The following RALGPS1 variants were observed in gnomAD, a reference collection of about 807,000 sequenced individuals.
RALGPS1 encodes ras-specific guanine nucleotide-releasing factor RalGPS1.
In RALGPS1, 19 loss-of-function variants were observed where a neutral mutation model predicts 78.8. The ratio of observed to expected loss-of-function variants is 0.24; its 90% CI spans 0.17 to 0.35. The LOEUF (loss-of-function observed/expected upper bound fraction) is 0.35, where lower values mean the gene tolerates loss of function less well. RALGPS1 is among the 10% of genes least tolerant of loss of function. The pLI, the probability that RALGPS1 is intolerant of heterozygous loss-of-function variation, is 1.00. For missense variants in RALGPS1, 454 were observed against 688.3 expected, an observed-to-expected ratio of 0.66 and a Z score of 3.81; for synonymous variants, 228 against 256.3, an observed-to-expected ratio of 0.89 and a Z score of 1.06.
intron 4 of RALGPS1, chr9:126,989,870 T>C: frequency 6.5e-7 from 1 of 1,549,698 alleles, no homozygotes; most frequent in Non-Finnish European, 8.7e-7. Context: ...CCAGCATCTG[T>C]TGGGTCCTTT....
At chr9:126,931,407 G>A (rs982366877) in intron 1 of RALGPS1, among the ~76,000 whole-genome samples, 2 of 152,144 alleles carry the variant, frequency 1.3e-5, no homozygotes, top group African/African-American at 4.8e-5. Context: ...ACCAAATGTG[G>A]CATATACATA....
intron 7 of RALGPS1, among the ~76,000 whole-genome samples, chr9:127,053,376 A>G (rs1383391045): frequency 6.6e-6 from 1 of 152,114 alleles, no homozygotes; most frequent in Non-Finnish European, 1.5e-5. Flanking sequence ...GTAGGAAAAA[A>G]CGGATTTTTT....
chr9:127,011,046 G>A (rs1394695240), intron 4 of RALGPS1, among the ~76,000 whole-genome samples: 1 of 152,226 alleles, frequency 6.6e-6, no homozygotes, highest in East Asian at 1.9e-4. Flanking sequence ...AGCTACTTCA[G>A]TCACTTCCTC....
intron 8 of RALGPS1, among the ~76,000 whole-genome samples, chr9:127,144,478 T>G (rs2057981015): frequency 6.6e-6 from 1 of 152,222 alleles, no homozygotes; most frequent in Non-Finnish European, 1.5e-5. Flanking sequence ...AATCATGTAG[T>G]GTGACCCAGC....
At chr9:127,215,207 T>C (rs1461815086) in intron 18 of RALGPS1, among the ~76,000 whole-genome samples, 1 of 152,212 alleles carries the variant, frequency 6.6e-6, no homozygotes, top group Non-Finnish European at 1.5e-5. Flanking sequence ...CCAGACTCAC[T>C]AAAGGGCCTC....
At chr9:127,112,855 C>G (rs901698830) in intron 8 of RALGPS1, among the ~76,000 whole-genome samples, 2 of 152,238 alleles carry the variant, frequency 1.3e-5, no homozygotes, top group African/African-American at 4.8e-5. Context: ...TTGCACAGGG[C>G]TTTAGGGCTT....
chr9:127,126,529 T>C (rs187245651), intron 8 of RALGPS1, among the ~76,000 whole-genome samples: 32 of 152,398 alleles, frequency 2.1e-4, no homozygotes, highest in African/African-American at 6.0e-4. Context: ...CACAGGTCAC[T>C]GAAGCTTTAT....
chr9:127,090,796 G>T (rs2052375365), intron 8 of RALGPS1, among the ~76,000 whole-genome samples: 1 of 152,210 alleles, frequency 6.6e-6, no homozygotes, highest in African/African-American at 2.4e-5. Context: ...CAGCCTCAGG[G>T]AGGAGCATGG....
chr9:126,946,007 T>C (rs148003348), intron 1 of RALGPS1, among the ~76,000 whole-genome samples: 94 of 152,318 alleles, frequency 6.2e-4, no homozygotes, highest in African/African-American at 2.1e-3. Context: ...ATCACTCTAT[T>C]AAGAATAAAC....
intron 2 of RALGPS1, among the ~76,000 whole-genome samples, chr9:126,964,734 G>C (rs2039290896): frequency 6.6e-6 from 1 of 152,158 alleles, no homozygotes; most frequent in Non-Finnish European, 1.5e-5. Flanking sequence ...AAATCTGCAG[G>C]TTTAAGTTCC....
chr9:126,963,138 C>T (rs1382828912), intron 2 of RALGPS1, among the ~76,000 whole-genome samples: 1 of 152,206 alleles, frequency 6.6e-6, no homozygotes, highest in Non-Finnish European at 1.5e-5. Flanking sequence ...TCATCATCAT[C>T]ACCAATGAAT....
chr9:127,217,304 A>G (rs2062638799), intron 18 of RALGPS1: 9 of 1,070,304 alleles, frequency 8.4e-6, no homozygotes, highest in South Asian at 4.3e-5. Context: ...TATTCCCACT[A>G]TGTGCTATAT....
intron 4 of RALGPS1, among the ~76,000 whole-genome samples, chr9:127,010,070 C>T (rs950013384): frequency 3.3e-5 from 5 of 152,122 alleles, no homozygotes; most frequent in Admixed American, 1.3e-4. Context: ...ATTGGGCCAC[C>T]GTGCTGAAGG....
chr9:126,950,820 C>A, intron 1 of RALGPS1, among the ~76,000 whole-genome samples: 1 of 147,352 alleles, frequency 6.8e-6, no homozygotes, highest in Non-Finnish European at 1.5e-5. Context: ...AAAATCAGAG[C>A]AGAACTGAAG....
intron 10 of RALGPS1, among the ~76,000 whole-genome samples, chr9:127,171,342 CT>C (rs1305244485): frequency 6.6e-6 from 1 of 150,896 alleles, no homozygotes; most frequent in Non-Finnish European, 1.5e-5. Flanking sequence ...AAAATACTAA[CT>C]TTAATTTCAT....
At chr9:127,196,857 G>T (rs2248809) in intron 13 of RALGPS1, among the ~76,000 whole-genome samples, 1 of 152,110 alleles carries the variant, frequency 6.6e-6, no homozygotes, top group Non-Finnish European at 1.5e-5. Flanking sequence ...TGGATCTGTC[G>T]TCATCCTGCT....
chr9:127,144,322 G>T (rs961984714), intron 8 of RALGPS1, among the ~76,000 whole-genome samples: 3 of 152,196 alleles, frequency 2.0e-5, no homozygotes, highest in Non-Finnish European at 2.9e-5. Flanking sequence ...CATGAAATCT[G>T]AGTTTCCCAG....
chr9:127,057,522 C>G (rs2048844116), intron 7 of RALGPS1, among the ~76,000 whole-genome samples: 2 of 152,202 alleles, frequency 1.3e-5, no homozygotes, highest in African/African-American at 2.4e-5. Context: ...TGAACATAGG[C>G]CTGTACACAG....
At chr9:127,078,392 A>T (rs1302898655) in intron 8 of RALGPS1, among the ~76,000 whole-genome samples, 1 of 152,194 alleles carries the variant, frequency 6.6e-6, no homozygotes, top group African/African-American at 2.4e-5. Flanking sequence ...TTATGAATGA[A>T]GAAAAAAAAC....
Sources: gnomAD v4.1 joint callset for allele counts (sites outside exome capture counted in the v4.1 genomes callset) on GRCh38, gnomAD v4.1.1 for gene constraint, MANE v1.5 for transcripts, NCBI Gene and HGNC (gene_info 2026-07-23, HGNC 2026-07-21) for gene names.